Variants in OTOGL observed in about 807,000 individuals in gnomAD.
The protein encoded by OTOGL is otogelin like, also known as otogelin-like protein.
A neutral mutation model predicts 318.5 loss-of-function variants in OTOGL; 285 were observed. That is an observed-to-expected ratio of 0.89 (90% CI 0.81 to 0.99). The LOEUF is 0.99. Ranked by LOEUF, OTOGL falls within the 50% of genes least tolerant of loss-of-function variation. OTOGL has a pLI of 0.00. For synonymous variants in OTOGL, 987 were observed against 936.5 expected (o/e 1.05, Z -0.99); for missense variants, 2,899 against 2,845.6 (o/e 1.02, Z -0.43).
At chr12:80,278,615 C>A (rs758446890) in intron 25 of OTOGL, among the ~76,000 whole-genome samples, 1 of 151,372 alleles carries the variant, frequency 6.6e-6, no homozygotes, top group Non-Finnish European at 1.5e-5. Flanking sequence ...CAAAAGAATA[C>A]CATAAAATAA....
At chr12:80,143,104 C>A (rs1872061985) in intron 1 of OTOGL, among the ~76,000 whole-genome samples, 2 of 151,992 alleles carry the variant, frequency 1.3e-5, no homozygotes, top group African/African-American at 4.8e-5. Flanking sequence ...TAGGTACAAA[C>A]CTATCATGAA....
rs537736803 is a variant in OTOGL at position 80,129,614 on chromosome 12, T to C, written c.-20+30009T>C. 2.6e-5 allele frequency among the ~76,000 whole-genome samples: 4 copies of C among 152,308 alleles called. No individual in the cohort carries two copies. In the South Asian group the frequency reaches 8.3e-4, roughly 32 times the overall value. On this transcript the variant is annotated intron_variant, in intron 1 of 58. Transcript: ENST00000547103. The stretch of plus-strand genomic sequence containing the variant: ...ATACCTTGAATCACTATCTCATTTT[T>C]TTTTTCTTTTACATTTTCTTCACTT...
intron 1 of OTOGL, among the ~76,000 whole-genome samples, chr12:80,101,879 G>A (rs1353773049): frequency 2.0e-5 from 3 of 152,122 alleles, no homozygotes; most frequent in Non-Finnish European, 2.9e-5. Flanking sequence ...GTAATTAAAC[G>A]GAAAATACTT....
At chr12:80,228,018 A>G (rs970053811) in intron 7 of OTOGL, among the ~76,000 whole-genome samples, 2 of 152,218 alleles carry the variant, frequency 1.3e-5, no homozygotes, top group Admixed American at 1.3e-4. Flanking sequence ...GAGGGCAGAT[A>G]GTTTTGTCCG....
intron 33 of OTOGL, among the ~76,000 whole-genome samples, chr12:80,319,351 A>T (rs1166653226): frequency 2.0e-5 from 3 of 152,196 alleles, no homozygotes; most frequent in South Asian, 2.1e-4. Context: ...TCTACCTGGA[A>T]CCATGCATGA....
At chr12:80,154,921 C>A (rs1347921187) in intron 1 of OTOGL, among the ~76,000 whole-genome samples, 2 of 152,206 alleles carry the variant, frequency 1.3e-5, no homozygotes, top group African/African-American at 2.4e-5. Flanking sequence ...GTTCCTGTTG[C>A]TACACATCCT....
chr12:80,266,430 G>A (rs760101361), intron 20 of OTOGL, 21 bp from the exon 21 acceptor site: 1 of 1,612,102 alleles, frequency 6.2e-7, no homozygotes, highest in South Asian at 1.1e-5. Flanking sequence ...TCTTTCTCAA[G>A]TGATACTTCT....
At chr12:80,335,869 T>A (rs1592721928) in intron 38 of OTOGL, 94 bp from the exon 39 acceptor site, 1 of 1,173,846 alleles carries the variant, frequency 8.5e-7, no homozygotes, top group Non-Finnish European at 1.1e-6. Flanking sequence ...ATTCAATAAA[T>A]GTACACCATG....
chr12:80,129,867 T>G (rs1311214092), intron 1 of OTOGL, among the ~76,000 whole-genome samples: 1 of 152,232 alleles, frequency 6.6e-6, no homozygotes, highest in Non-Finnish European at 1.5e-5. Flanking sequence ...AACTCTTCTT[T>G]GTTCCCTTAA....
At chr12:80,130,106 T>A (rs1871145970) in intron 1 of OTOGL, among the ~76,000 whole-genome samples, 1 of 152,222 alleles carries the variant, frequency 6.6e-6, no homozygotes, top group Non-Finnish European at 1.5e-5. Context: ...CTTAACTGGT[T>A]TCTTTGTATT....
At chr12:80,136,938 T>C (rs1350943010) in intron 1 of OTOGL, among the ~76,000 whole-genome samples, 1 of 152,208 alleles carries the variant, frequency 6.6e-6, no homozygotes, top group Non-Finnish European at 1.5e-5. Context: ...TTGTTTGCTA[T>C]GGTATTCCCC....
At chr12:80,229,521 A>G in intron 8 of OTOGL, 143 bp downstream of exon 8, 3 of 1,181,238 alleles carry the variant, frequency 2.5e-6, no homozygotes, top group Non-Finnish European at 3.5e-6. Context: ...TACAGACATC[A>G]AAACTTCGGT....
At chr12:80,329,360 A>G (rs999373344) in intron 37 of OTOGL, among the ~76,000 whole-genome samples, 1 of 152,214 alleles carries the variant, frequency 6.6e-6, no homozygotes, top group African/African-American at 2.4e-5. Context: ...TACAGGCATG[A>G]GCCACACTGC....
chr12:80,345,070 TAATATATATTATTA>T (rs1889083866), intron 44 of OTOGL, among the ~76,000 whole-genome samples: 5 of 114,206 alleles, frequency 4.4e-5, no homozygotes, highest in Non-Finnish European at 8.8e-5. Context: ...TTATATATTA[TAATATATATTATTA>T]TATGTTATAT....
intron 23 of OTOGL, among the ~76,000 whole-genome samples, chr12:80,271,361 A>G (rs539027063): frequency 3.9e-5 from 6 of 152,216 alleles, no homozygotes; most frequent in Non-Finnish European, 7.4e-5. Flanking sequence ...ATTTAGAATA[A>G]TCGTGTGTTC....
At chr12:80,345,036 ACATATATTATTATATGTTATATTT>A (rs1889076475) in intron 44 of OTOGL, among the ~76,000 whole-genome samples, 5 of 81,778 alleles carry the variant, frequency 6.1e-5, no homozygotes, top group Non-Finnish European at 1.3e-4. Context: ...ATATATTATA[ACATATATTATTATATGTTATATTT>A]TATATATTAT....
At position 80,353,338 on chromosome 12, in the gene OTOGL, A is replaced by G. The variant is rs377436458; in HGVS notation, c.5421A>G (p.Pro1807=). The change falls in exon 46 of 59, where the codon CCA becomes CCG. Residue 1807 remains proline (P), a synonymous_variant. Coordinates refer to ENST00000547103, the MANE Select transcript of OTOGL (RefSeq NM_001378609.3). ...TATTCTTCAAAGCCCTGAGTTGCCC[A>G]GAGGGGAAGGAATATCAACCCTGTG... ...RTPDYCSLSC[P]EGKEYQPCVR... 2 of 1,561,294 alleles carry G rather than the reference A, an allele frequency of 1.3e-6. No individual in the cohort carries two copies. The highest frequency in any genetic ancestry group is 1.7e-6 in the Non-Finnish European group (2 of 1,151,526).
At chr12:80,128,613 G>A (rs1198079136) in intron 1 of OTOGL, among the ~76,000 whole-genome samples, 3 of 152,198 alleles carry the variant, frequency 2.0e-5, no homozygotes, top group Admixed American at 2.0e-4. Context: ...GCTGTCTTTT[G>A]TTTGGCTATG....
chr12:80,249,658 G>T (rs1881300855), intron 11 of OTOGL, among the ~76,000 whole-genome samples: 2 of 152,168 alleles, frequency 1.3e-5, no homozygotes, highest in South Asian at 2.1e-4. Flanking sequence ...GCCTACAGAG[G>T]CAGGTAGGCC....
Sources: allele counts gnomAD v4.1 joint callset (sites outside exome capture counted in the v4.1 genomes callset), GRCh38; gene constraint gnomAD v4.1.1; transcripts MANE v1.5; gene names NCBI Gene and HGNC (gene_info 2026-07-23, HGNC 2026-07-21).